MCTP1: variants seen among roughly 807,000 people sequenced by gnomAD.
MCTP1 encodes multiple C2 and transmembrane domain-containing protein 1.
MCTP1 carries 69 observed loss-of-function variants against 120.6 expected under a neutral mutation model. That is an observed-to-expected ratio of 0.57 (90% CI 0.47 to 0.70). MCTP1 has a LOEUF of 0.70. Among genes scored for constraint, MCTP1 ranks in the 30% least tolerant of loss-of-function variants. MCTP1 has a pLI of 0.00. For synonymous variants in MCTP1, 529 were observed against 493.1 expected (o/e 1.07, Z -0.96); for missense variants, 1,203 against 1,248.8 (o/e 0.96, Z 0.55).
intron 17 of MCTP1, among the ~76,000 whole-genome samples, chr5:94,820,869 G>T (rs1785478701): frequency 6.6e-6 from 1 of 152,150 alleles, no homozygotes; most frequent in Non-Finnish European, 1.5e-5. Context: ...AAACCCCATA[G>T]CTATGTTACC....
intron 1 of MCTP1, among the ~76,000 whole-genome samples, chr5:95,219,239 G>A (rs1006608315): frequency 4.0e-5 from 6 of 151,870 alleles, no homozygotes; most frequent in Non-Finnish European, 7.4e-5. Flanking sequence ...AAAATTAGCC[G>A]GGCATGGTGG....
chr5:94,912,890 C>T lies in MCTP1; in HGVS notation c.1437G>A (p.Gly479=), dbSNP rs139601780. 3.1e-6 allele frequency: 5 copies of T among 1,601,098 alleles called. No individual in the cohort carries two copies. Among genetic ancestry groups the T allele is most frequent in the Non-Finnish European group, 3.4e-6 (4 of 1,174,554 alleles). ...RGIVSITLIE[G]RDLKAMDSNG... The stretch of plus-strand genomic sequence containing the variant: ...TGGAATCCATGGCCTTGAGGTCTCT[C>T]CCTTCAATCAAGGTGATGCTGACTA... Residue 479 remains glycine (G), a synonymous_variant, in exon 9 of 23, where the codon GGG becomes GGA. Transcript: ENST00000515393.
intron 17 of MCTP1, among the ~76,000 whole-genome samples, chr5:94,814,637 G>A (rs1413129813): frequency 6.6e-6 from 1 of 151,708 alleles, no homozygotes; most frequent in Non-Finnish European, 1.5e-5. Flanking sequence ...AAAATTTTTT[G>A]AACTCCTTAC....
At chr5:94,770,436 CT>C (rs1773797969) in intron 19 of MCTP1, among the ~76,000 whole-genome samples, 1 of 152,130 alleles carries the variant, frequency 6.6e-6, no homozygotes, top group African/African-American at 2.4e-5. Flanking sequence ...AATGAAAGTT[CT>C]TTTTTTGAGG....
At chr5:95,265,602 G>A (rs1758821426) in intron 1 of MCTP1, among the ~76,000 whole-genome samples, 1 of 152,146 alleles carries the variant, frequency 6.6e-6, no homozygotes, top group Admixed American at 6.5e-5. Flanking sequence ...CACTACTGCT[G>A]GTGCAAACCA....
intron 1 of MCTP1, among the ~76,000 whole-genome samples, chr5:95,048,451 T>C (rs1003875361): frequency 2.6e-5 from 4 of 152,176 alleles, no homozygotes; most frequent in Non-Finnish European, 5.9e-5. Flanking sequence ...TCATGAAATG[T>C]TGTTACAGAA....
At chr5:94,817,371 G>A (rs1784676923) in intron 17 of MCTP1, among the ~76,000 whole-genome samples, 1 of 152,092 alleles carries the variant, frequency 6.6e-6, no homozygotes, top group Non-Finnish European at 1.5e-5. Flanking sequence ...TCGCGCCACT[G>A]CTCTCCAACC....
chr5:94,992,804 T>C (rs1188363703), intron 2 of MCTP1, among the ~76,000 whole-genome samples: 5 of 152,158 alleles, frequency 3.3e-5, no homozygotes, highest in Non-Finnish European at 2.9e-5. Flanking sequence ...AACCTTCCTT[T>C]TATCTGCCTT....
At chr5:95,134,281 G>C (rs894650110) in intron 1 of MCTP1, among the ~76,000 whole-genome samples, 4 of 152,086 alleles carry the variant, frequency 2.6e-5, no homozygotes, top group Non-Finnish European at 4.4e-5. Flanking sequence ...TCCACTAAAA[G>C]CATTTGAATA....
intron 17 of MCTP1, among the ~76,000 whole-genome samples, chr5:94,821,840 G>C (rs1244718999): frequency 6.6e-6 from 1 of 152,024 alleles, no homozygotes. Context: ...ATCTGCATTT[G>C]ATTGAAAAAA....
chr5:95,169,792 CTTT>C (rs1296554661), intron 1 of MCTP1, among the ~76,000 whole-genome samples: 1 of 152,128 alleles, frequency 6.6e-6, no homozygotes, highest in Non-Finnish European at 1.5e-5. Flanking sequence ...GTCTTCTCTT[CTTT>C]ATCAGCCTGG....
At chr5:94,917,477 C>T (rs992997886) in intron 8 of MCTP1, among the ~76,000 whole-genome samples, 3 of 152,162 alleles carry the variant, frequency 2.0e-5, no homozygotes, top group South Asian at 2.1e-4. Context: ...ACTGAAATTG[C>T]GTGATTCTCT....
intron 1 of MCTP1, among the ~76,000 whole-genome samples, chr5:95,213,935 A>G (rs1485508810): frequency 1.5e-4 from 23 of 152,184 alleles, no homozygotes; most frequent in Non-Finnish European, 2.2e-4. Context: ...AGGCATTACC[A>G]TTCAGGACAT....
intron 1 of MCTP1, among the ~76,000 whole-genome samples, chr5:95,219,117 C>T (rs929777142): frequency 2.0e-5 from 3 of 152,142 alleles, no homozygotes; most frequent in African/African-American, 7.2e-5. Flanking sequence ...CGCAGTGGCT[C>T]ACGCCTGTAA....
chr5:95,157,523 T>C (rs1247923304), intron 1 of MCTP1, among the ~76,000 whole-genome samples: 1 of 152,206 alleles, frequency 6.6e-6, no homozygotes, highest in East Asian at 1.9e-4. Context: ...CAGAAAACTT[T>C]AGCAACTTGT....
chr5:95,263,630 C>T (rs1197868574), intron 1 of MCTP1, among the ~76,000 whole-genome samples: 1 of 152,184 alleles, frequency 6.6e-6, no homozygotes, highest in Non-Finnish European at 1.5e-5. Flanking sequence ...ACCAGTATAA[C>T]TTTTAAAGAT....
At chr5:94,939,608 T>C (rs1253305546) in intron 5 of MCTP1, among the ~76,000 whole-genome samples, 2 of 151,944 alleles carry the variant, frequency 1.3e-5, no homozygotes, top group Admixed American at 6.6e-5. Flanking sequence ...TGAAAGCCCA[T>C]CAAGAAGATG....
chr5:94,794,239 A>G (rs1193533198), intron 18 of MCTP1, among the ~76,000 whole-genome samples: 1 of 152,268 alleles, frequency 6.6e-6, no homozygotes, highest in Non-Finnish European at 1.5e-5. Context: ...AAAAACATTG[A>G]AGAATTTTTT....
At chr5:94,950,939 T>C (rs1353784653) in intron 3 of MCTP1, among the ~76,000 whole-genome samples, 4 of 133,984 alleles carry the variant, frequency 3.0e-5, no homozygotes, top group African/African-American at 8.2e-5. Context: ...AGAGCAAGAC[T>C]CTGTCTCAAA....
Sources: allele counts gnomAD v4.1 joint callset (sites outside exome capture counted in the v4.1 genomes callset), GRCh38; gene constraint gnomAD v4.1.1; transcripts MANE v1.5; gene names NCBI Gene and HGNC (gene_info 2026-07-23, HGNC 2026-07-21).